Variants in GORASP2 observed in about 807,000 individuals in gnomAD.
The protein encoded by GORASP2 is golgi reassembly stacking protein 2.
GORASP2 carries 22 observed loss-of-function variants against 45.7 expected under a neutral mutation model. That is an observed-to-expected ratio of 0.48 (90% CI 0.34 to 0.69). The LOEUF is 0.69. Ranked by LOEUF, GORASP2 falls within the 30% of genes least tolerant of loss-of-function variation. The pLI is 0.01. For synonymous variants in GORASP2, 221 were observed against 215.6 expected (o/e 1.02, Z -0.22); for missense variants, 491 against 562.7 (o/e 0.87, Z 1.29).
intron 9 of GORASP2, among the ~76,000 whole-genome samples, chr2:170,963,763 C>A (rs1372473250): frequency 6.6e-6 from 1 of 152,124 alleles, no homozygotes; most frequent in Non-Finnish European, 1.5e-5. Flanking sequence ...TCACCTCATC[C>A]TCCCAAGTAG....
intron 1 of GORASP2, among the ~76,000 whole-genome samples, chr2:170,935,824 C>T (rs1703936605): frequency 6.6e-6 from 1 of 152,156 alleles, no homozygotes; most frequent in South Asian, 2.1e-4. Flanking sequence ...AATCCACCCA[C>T]CTCAGCCTCA....
rs144316688 is a variant in GORASP2, at chr2:170,932,296, A to G, written c.63+2893A>G. Among the ~76,000 whole-genome samples the G allele has an allele frequency of 4.0e-3, 614 of 152,114 alleles. 3 individuals carry two copies. The highest frequency in any genetic ancestry group is 0.014 in the African/African-American group (585 of 41,488). ...TTTTGTTACCTTGTAATCATGATCC[A>G]TGCTGTTGCACACCTCAGTCTTCTC... On this transcript the variant is annotated intron_variant, in intron 1 of 9. Transcript: ENST00000234160.
At chr2:170,962,148 C>CT (rs1307650617) in intron 8 of GORASP2, among the ~76,000 whole-genome samples, 1 of 152,238 alleles carries the variant, frequency 6.6e-6, no homozygotes, top group Non-Finnish European at 1.5e-5. Flanking sequence ...TTCAGTAGCT[C>CT]TAACATTAAA....
chr2:170,947,102 T>C (rs929783698), intron 1 of GORASP2, among the ~76,000 whole-genome samples: 1 of 152,144 alleles, frequency 6.6e-6, no homozygotes, highest in Non-Finnish European at 1.5e-5. Context: ...GAGAAACCCT[T>C]TGAGAATCTG....
At chr2:170,961,877 G>A in intron 8 of GORASP2, 128 bp downstream of exon 8, 1 of 695,366 alleles carries the variant, frequency 1.4e-6, no homozygotes, top group South Asian at 1.6e-5. Context: ...GTTTATCTCT[G>A]CAATAAGTTT....
chr2:170,929,302 G>T lies in GORASP2; in HGVS notation c.-39G>T, dbSNP rs761563786. ...AGGCGGTGCGCTGGGGGCGGGAGCA[G>T]CGCGGAGCCCGGCTCGGCCACACCG... On this transcript the variant is annotated 5_prime_UTR_variant, in exon 1 of 10. Transcript: ENST00000234160. The T allele has an allele frequency of 9.7e-6, 13 of 1,334,664 alleles. No individual in the cohort carries two copies. Among genetic ancestry groups the T allele is most frequent in the South Asian group, 5.7e-5 (3 of 52,382 alleles). 82.7% of individuals were successfully genotyped at this position (1,334,664 alleles called of 1,614,324 possible).
At chr2:170,954,891 A>C (rs1048166225) in intron 6 of GORASP2, 109 bp downstream of exon 6, 3 of 769,382 alleles carry the variant, frequency 3.9e-6, no homozygotes, top group Non-Finnish European at 6.3e-6. Context: ...GTAGACGATG[A>C]GTTAAGTATT....
At chr2:170,944,392 G>A (rs1575472156) in intron 1 of GORASP2, among the ~76,000 whole-genome samples, 1 of 152,140 alleles carries the variant, frequency 6.6e-6, no homozygotes, top group African/African-American at 2.4e-5. Flanking sequence ...TAATTGTGCA[G>A]ATACTAATGA....
rs376166431 is a variant in GORASP2, at chr2:170,954,686, A to T, written c.603A>T (p.Arg201=). The change falls in exon 6 of 10, where the codon CGA becomes CGT. Residue 201 remains arginine, a synonymous_variant. Coordinates refer to ENST00000234160, the MANE Select transcript of GORASP2 (RefSeq NM_015530.5). ...GCATTGGATATGGTTATTTGCATCG[A>T]ATACCTACACGCCCATTTGAGGAAG... ...GCGIGYGYLH[R]IPTRPFEEGK... is the part of the protein sequence containing the mutation. 1.8e-5 allele frequency: 29 copies of T among 1,613,544 alleles called. No homozygotes were observed. The highest frequency in any genetic ancestry group is 1.9e-5 in the Non-Finnish European group (22 of 1,179,624).
chr2:170,962,641 A>G (rs1704589887), intron 8 of GORASP2, among the ~76,000 whole-genome samples, 198 bp from the exon 9 acceptor site: 1 of 152,184 alleles, frequency 6.6e-6, no homozygotes, highest in Non-Finnish European at 1.5e-5. Flanking sequence ...TAATCTATCT[A>G]ATCACTTAGG....
intron 1 of GORASP2, among the ~76,000 whole-genome samples, chr2:170,933,660 T>C (rs1327335709): frequency 6.6e-6 from 1 of 151,902 alleles, no homozygotes; most frequent in Non-Finnish European, 1.5e-5. Context: ...AGATGCCTAT[T>C]ATAGGATCTG....
chr2:170,951,296 G>A (rs200689881), intron 4 of GORASP2, 32 bp from the exon 5 acceptor site: 11 of 1,563,998 alleles, frequency 7.0e-6, no homozygotes, highest in Middle Eastern at 3.4e-4. Flanking sequence ...GTATGGTAAC[G>A]TGAAACATTT....
chr2:170,960,294 C>T (rs1704527434), intron 7 of GORASP2, among the ~76,000 whole-genome samples: 1 of 152,280 alleles, frequency 6.6e-6, no homozygotes, highest in South Asian at 2.1e-4. Flanking sequence ...GAATGAATGA[C>T]CACACTCAAC....
rs115434639 is a variant in GORASP2, at chr2:170,954,903, A to G, written c.699+121A>G. The G allele has an allele frequency of 4.1e-4, 280 of 686,246 alleles. 1 individual carries two copies. The African/African-American group carries it at 4.8e-3, about 12-fold the overall frequency. 42.5% of individuals were successfully genotyped at this position (686,246 alleles called of 1,614,324 possible). A position where few individuals can be genotyped will look rare whatever the true frequency, so the allele number is the denominator to read the frequency against. On this transcript the variant is annotated intron_variant, in intron 6 of 9. Transcript: ENST00000234160. ...AGGGTAGACGATGAGTTAAGTATTG[A>G]TTGTGTTACATTTGAGGTTCCTGTA...
chr2:170,939,062 C>G (rs1704017385), intron 1 of GORASP2, among the ~76,000 whole-genome samples: 1 of 152,128 alleles, frequency 6.6e-6, no homozygotes, highest in South Asian at 2.1e-4. Context: ...TTTTCTTTCC[C>G]TAAGAAACAA....
rs544434749 is a variant in GORASP2, at chr2:170,938,067, T to C, written c.63+8664T>C. 1.2e-3 allele frequency among the ~76,000 whole-genome samples: 179 copies of C among 152,340 alleles called. 1 individual carries two copies. Among genetic ancestry groups the C allele is most frequent in the Non-Finnish European group, 2.2e-3 (147 of 68,026 alleles). Reference sequence around the variant, plus strand: ...TAAAAAACACATTAGATACTGTGTATGAAAATAATGAAAACAATTGAGCAT... The same window carrying C: ...TAAAAAACACATTAGATACTGTGTACGAAAATAATGAAAACAATTGAGCAT... On this transcript the variant is annotated intron_variant, in intron 1 of 9. Transcript: ENST00000234160.
chr2:170,947,942 G>A (rs1359834398), intron 1 of GORASP2, among the ~76,000 whole-genome samples: 5 of 152,038 alleles, frequency 3.3e-5, no homozygotes, highest in Admixed American at 6.6e-5. Context: ...GCAATAAGGC[G>A]AAACCCTGTC....
intron 1 of GORASP2, among the ~76,000 whole-genome samples, chr2:170,937,558 A>AGT (rs1703985133): frequency 6.6e-6 from 1 of 152,146 alleles, no homozygotes; most frequent in South Asian, 2.1e-4. Context: ...AGTCCCAGGT[A>AGT]CTCAGGAGGC....
chr2:170,930,225 C>A (rs780237853), intron 1 of GORASP2, among the ~76,000 whole-genome samples: 2 of 152,238 alleles, frequency 1.3e-5, no homozygotes, highest in African/African-American at 4.8e-5. Flanking sequence ...AGCTAAGCCC[C>A]TACCTATGAA....
Sources: gnomAD v4.1 joint callset for allele counts (sites outside exome capture counted in the v4.1 genomes callset) on GRCh38, gnomAD v4.1.1 for gene constraint, MANE v1.5 for transcripts, NCBI Gene and HGNC (gene_info 2026-07-23, HGNC 2026-07-21) for gene names.